Variants in PIK3R3 observed in about 807,000 individuals in gnomAD.
PIK3R3 encodes the protein phosphatidylinositol 3-kinase regulatory subunit gamma.
PIK3R3 carries 64 observed loss-of-function variants against 62.9 expected under a neutral mutation model. The observed-to-expected ratio is 1.02, with a 90% CI of 0.83 to 1.25. The LOEUF (loss-of-function observed/expected upper bound fraction) is 1.25, where lower values mean the gene tolerates loss of function less well. PIK3R3 is among the 50% of genes most tolerant of loss of function. The probability of loss-of-function intolerance (pLI) is 0.00; values close to 1 mark genes in which losing one functional copy is unlikely to be tolerated. For synonymous variants in PIK3R3, 165 were observed against 189.0 expected (o/e 0.87, Z 1.04); for missense variants, 614 against 561.6 (o/e 1.09, Z -0.94).
chr1:46,098,403 T>C (rs989874383), intron 1 of PIK3R3, among the ~76,000 whole-genome samples: 3 of 152,234 alleles, frequency 2.0e-5, no homozygotes, highest in Non-Finnish European at 4.4e-5. Flanking sequence ...GCAATGAATG[T>C]TCATGGCAGC....
chr1:46,162,765 G>A, the PIK3R3 span, among the ~76,000 whole-genome samples: 1 of 152,128 alleles, frequency 6.6e-6, no homozygotes, highest in African/African-American at 2.4e-5. Context: ...GGGATTACAG[G>A]CGTGCACCAC....
chr1:46,055,330 G>T (rs993938867), intron 7 of PIK3R3, among the ~76,000 whole-genome samples: 15 of 152,034 alleles, frequency 9.9e-5, no homozygotes, highest in African/African-American at 3.4e-4. Flanking sequence ...CTGGTGTCTC[G>T]AACTCCGGAC....
At chr1:46,129,794 G>A (rs1470294366) in intron 1 of PIK3R3, among the ~76,000 whole-genome samples, 11 of 152,090 alleles carry the variant, frequency 7.2e-5, no homozygotes, top group African/African-American at 2.2e-4. Context: ...AGTGTGCTTC[G>A]TTTTCAAAAA....
At chr1:46,101,414 G>A (rs965438126) in intron 1 of PIK3R3, among the ~76,000 whole-genome samples, 3 of 151,556 alleles carry the variant, frequency 2.0e-5, no homozygotes, top group African/African-American at 7.3e-5. Flanking sequence ...GCTGAGGCAG[G>A]AGAATCGCTT....
chr1:46,061,990 G>T lies in PIK3R3; in HGVS notation c.703C>A (p.Gln235Lys). The T allele has an allele frequency of 6.2e-7, 1 of 1,612,074 alleles. No individual in the cohort carries two copies. Among genetic ancestry groups the T allele is most frequent in the Non-Finnish European group, 8.5e-7 (1 of 1,178,336 alleles). ...CGCTCAATATATTCTTTGCTATGTT[G>T]TTCTTGTGTGTGACACTGCTCTTCA... ...IFEEQCHTQE[Q>K]HSKEYIERFR... Residue 235 changes from glutamine to lysine, a missense_variant, in exon 6 of 10, where the codon CAA becomes AAA. Coordinates refer to ENST00000262741, the MANE Select transcript of PIK3R3 (RefSeq NM_003629.4).
rs746957356 is a variant in PIK3R3 at position 46,044,040 on chromosome 1, G to A, written c.1188-169C>T. 6.6e-6 allele frequency among the ~76,000 whole-genome samples: 1 copy of A among 151,958 alleles called. No individual in the cohort carries two copies. The highest frequency in any genetic ancestry group is 1.5e-5 in the Non-Finnish European group (1 of 68,002). ...TCCCTACAGACTTGGCCACAGATAC[G>A]GGTGTTAAAACAACCACAAATGTAA... is the stretch of plus-strand genomic sequence containing the variant. On this transcript the variant is annotated intron_variant, in intron 9 of 9. Transcript: ENST00000262741. This position sits in a 1 kb window ranked among gnomAD's most constrained non-coding sequence, Gnocchi z 4.2.
intron 1 of PIK3R3, among the ~76,000 whole-genome samples, chr1:46,124,489 AG>A (rs1654923005): frequency 6.6e-6 from 1 of 152,206 alleles, no homozygotes; most frequent in Admixed American, 6.5e-5. Flanking sequence ...CTACATTCTA[AG>A]AAAAATATAA....
intron 5 of PIK3R3, among the ~76,000 whole-genome samples, chr1:46,062,344 G>C (rs1648581753): frequency 6.6e-6 from 1 of 152,200 alleles, no homozygotes; most frequent in Admixed American, 6.5e-5. Flanking sequence ...GGGAGGCCGA[G>C]GCAGGCAGAT....
At chr1:46,075,211 A>G (rs969204664) in intron 3 of PIK3R3, among the ~76,000 whole-genome samples, 4 of 152,256 alleles carry the variant, frequency 2.6e-5, no homozygotes, top group African/African-American at 9.6e-5. Context: ...ATGGACTGTC[A>G]GTGCTCTCTG....
At chr1:46,059,337 T>A (rs1648246242) in intron 6 of PIK3R3, among the ~76,000 whole-genome samples, 1 of 152,118 alleles carries the variant, frequency 6.6e-6, no homozygotes, top group South Asian at 2.1e-4. Flanking sequence ...CTTCACTGGG[T>A]TTTTCTGTTA....
chr1:46,048,735 A>AT (rs1647181457), intron 7 of PIK3R3, among the ~76,000 whole-genome samples: 1 of 152,126 alleles, frequency 6.6e-6, no homozygotes. Context: ...GAAAAAAAAA[A>AT]GAAAAAGAAA....
the PIK3R3 span, among the ~76,000 whole-genome samples, chr1:46,139,300 C>T: frequency 6.6e-6 from 1 of 151,442 alleles, no homozygotes; most frequent in Non-Finnish European, 1.5e-5. Flanking sequence ...GACCCACGTG[C>T]TTCTTTTTTT....
At chr1:46,043,949 G>A (rs1399736274) in intron 9 of PIK3R3, 78 bp from the exon 10 acceptor site, 1 of 1,231,300 alleles carries the variant, frequency 8.1e-7, no homozygotes, top group East Asian at 2.6e-5. Flanking sequence ...AGAAGTCTGA[G>A]AGCAATTGTT....
At chr1:46,110,261 GCCA>G (rs35676814) in intron 1 of PIK3R3, among the ~76,000 whole-genome samples, 30,490 of 144,170 alleles carry the variant, frequency 0.21, 3,567 homozygotes, top group Non-Finnish European at 0.26. Flanking sequence ...ACAGGCACAT[GCCA>G]CCAGGCTTGG....
In PIK3R3 at chr1:46,132,613, GC is replaced by G; in HGVS notation, c.-662del. 7.8e-7 allele frequency: 1 copy of G among 1,289,522 alleles called. No individual in the cohort carries two copies. The highest frequency in any genetic ancestry group is 1.0e-6 in the Non-Finnish European group (1 of 988,708). The allele number at this position is 1,289,522 out of a possible 1,614,324, so 79.9% of individuals were successfully genotyped here. ...AAGAACCAACCCGACCGCACCAACT[GC>G]CCTCAAGCTCTGCCCGGACTCCAGC... On this transcript the variant is annotated 5_prime_UTR_variant, in exon 1 of 10. Transcript: ENST00000262741.
upstream of PIK3R3, chr1:46,132,992 C>A (rs530698254): frequency 6.9e-5 from 74 of 1,076,382 alleles, no homozygotes; most frequent in African/African-American, 1.1e-3. Flanking sequence ...GGGAGTGGGG[C>A]GAGGGAAGAG....
At chr1:46,173,270 CTGT>C in the PIK3R3 span, among the ~76,000 whole-genome samples, 1 of 152,188 alleles carries the variant, frequency 6.6e-6, no homozygotes, top group African/African-American at 2.4e-5. Flanking sequence ...AACGGAGCCC[CTGT>C]TACAAGTACT....
the PIK3R3 span, among the ~76,000 whole-genome samples, chr1:46,165,926 G>A: frequency 4.4e-4 from 66 of 150,846 alleles, no homozygotes; most frequent in African/African-American, 1.4e-3. Context: ...GCCCGCCACC[G>A]CACCCGGCTA....
At chr1:46,061,891 GT>G in intron 6 of PIK3R3, 37 bp downstream of exon 6, 1 of 1,580,988 alleles carries the variant, frequency 6.3e-7, no homozygotes, top group Non-Finnish European at 8.7e-7. Flanking sequence ...AAGAAATCCT[GT>G]CTCACTGATG....
Sources: gnomAD v4.1 joint callset for allele counts (sites outside exome capture counted in the v4.1 genomes callset) on GRCh38, gnomAD v4.1.1 for gene constraint, Gnocchi (gnomAD v3.1) non-coding constraint, MANE v1.5 for transcripts, NCBI Gene and HGNC (gene_info 2026-07-23, HGNC 2026-07-21) for gene names.